The following BICD1 variants were observed in gnomAD, a reference collection of about 807,000 sequenced individuals.
BICD1 encodes protein bicaudal D homolog 1.
A neutral mutation model predicts 92.5 loss-of-function variants in BICD1; 35 were observed. That is an observed-to-expected ratio of 0.38 (90% confidence interval 0.29 to 0.50). The LOEUF is 0.50. Among genes scored for constraint, BICD1 ranks in the 20% least tolerant of loss-of-function variants. The probability of loss-of-function intolerance (pLI) is 0.93; values close to 1 mark genes in which losing one functional copy is unlikely to be tolerated. For missense variants in BICD1, 950 were observed against 1,189.8 expected (o/e 0.80, Z 2.97); for synonymous variants, 429 against 465.1 (o/e 0.92, Z 1.00).
chr12:32,328,329 T>C lies in BICD1; in HGVS notation c.1874T>C (p.Ile625Thr). The C allele has an allele frequency of 6.2e-7, 1 of 1,614,172 alleles. No individual in the cohort carries two copies. The highest frequency in any genetic ancestry group is 8.5e-7 in the Non-Finnish European group (1 of 1,180,034). ...TSDIRKEPMN[I>T]YNLNAIIRDQ... is the part of the protein sequence containing the mutation. ...GACATCCGCAAAGAGCCAATGAATA[T>C]CTACAACCTTAATGCCATAATCCGG... is the stretch of plus-strand genomic sequence containing the variant. Residue 625 changes from isoleucine to threonine, a missense_variant, in exon 5 of 10, where the codon ATC becomes ACC. By Grantham distance (89) the Ile-to-Thr change is moderately conservative (BLOSUM62 -1). Coordinates refer to ENST00000652176, the MANE Select transcript of BICD1 (RefSeq NM_001714.4). This position sits in a 1 kb window ranked among gnomAD's most constrained non-coding sequence, Gnocchi z 4.4.
At chr12:32,292,734 T>G (rs1453460025) in intron 2 of BICD1, among the ~76,000 whole-genome samples, 1 of 152,216 alleles carries the variant, frequency 6.6e-6, no homozygotes, top group Admixed American at 6.5e-5. Flanking sequence ...AAATGTGGTT[T>G]TTGGTTTCTA....
At chr12:32,361,763 G>C (rs1039738583) in intron 8 of BICD1, among the ~76,000 whole-genome samples, 5 of 152,088 alleles carry the variant, frequency 3.3e-5, no homozygotes, top group African/African-American at 1.2e-4. Flanking sequence ...GGAAAATGAG[G>C]AGGTGGAGTC....
intron 8 of BICD1, among the ~76,000 whole-genome samples, chr12:32,358,661 C>T (rs989765268): frequency 3.3e-5 from 5 of 151,864 alleles, no homozygotes; most frequent in Non-Finnish European, 7.4e-5. Flanking sequence ...CACTTGAACC[C>T]GGGAGGCGGA....
intron 2 of BICD1, among the ~76,000 whole-genome samples, chr12:32,218,375 C>G (rs975534505): frequency 1.3e-5 from 2 of 152,136 alleles, no homozygotes; most frequent in Non-Finnish European, 2.9e-5. Context: ...ACACGGGGCC[C>G]CCTCGCAGAG....
chr12:32,144,334 G>T (rs1943041073), intron 1 of BICD1, among the ~76,000 whole-genome samples: 1 of 152,056 alleles, frequency 6.6e-6, no homozygotes, highest in South Asian at 2.1e-4. Context: ...ATTCTTTCCA[G>T]GGTGAATATT....
intron 5 of BICD1, chr12:32,332,461 GC>G (rs1052255183): frequency 2.0e-6 from 2 of 982,016 alleles, no homozygotes; most frequent in Admixed American, 6.1e-5. Context: ...TAGGCACAGT[GC>G]CTTCTGATGA....
At chr12:32,248,500 G>A (rs2136099324) in intron 2 of BICD1, among the ~76,000 whole-genome samples, 1 of 152,350 alleles carries the variant, frequency 6.6e-6, no homozygotes, top group East Asian at 1.9e-4. Context: ...AGAAATTGAT[G>A]AAGGAGAGAG....
At chr12:32,359,640 G>C (rs1270955772) in intron 8 of BICD1, among the ~76,000 whole-genome samples, 1 of 152,084 alleles carries the variant, frequency 6.6e-6, no homozygotes, top group Admixed American at 6.5e-5. Flanking sequence ...TGGAGATTAA[G>C]TATCAACATG....
intron 1 of BICD1, among the ~76,000 whole-genome samples, chr12:32,167,304 A>G (rs954679985): frequency 2.6e-5 from 4 of 152,376 alleles, no homozygotes; most frequent in Non-Finnish European, 5.9e-5. Flanking sequence ...ATATTCTGAG[A>G]TAGCAAAGCA....
rs1469033267 is a variant in BICD1 at position 32,342,220 on chromosome 12, A to G, written c.2764+3241A>G. Among the ~76,000 whole-genome samples, 231 of 144,376 alleles carry G rather than the reference A, an allele frequency of 1.6e-3. 2 individuals are homozygous for G. In the East Asian group the frequency reaches 0.023, roughly 14 times the overall value. 94.7% of individuals were successfully genotyped at this position (144,376 alleles called of 152,430 possible). ...TGTGTGTGTGTATATATATATATAT[A>G]TATATATATATATGTATAGTTTTGG... On this transcript the variant is annotated intron_variant, in intron 8 of 9. Transcript: ENST00000652176.
chr12:32,374,629 G>A (rs1464164430), intron 9 of BICD1, among the ~76,000 whole-genome samples: 4 of 146,396 alleles, frequency 2.7e-5, no homozygotes, highest in African/African-American at 1.0e-4. Flanking sequence ...GTGCAATGGC[G>A]TGATCTCAGC....
intron 8 of BICD1, among the ~76,000 whole-genome samples, chr12:32,361,508 A>T (rs1939323578): frequency 6.6e-6 from 1 of 150,618 alleles, no homozygotes; most frequent in Non-Finnish European, 1.5e-5. Flanking sequence ...AGCCAAGATC[A>T]CGTCACTTCA....
chr12:32,339,768 C>T, intron 8 of BICD1: 1 of 985,348 alleles, frequency 1.0e-6, no homozygotes, highest in Non-Finnish European at 1.2e-6. Context: ...AGCTTAAAGG[C>T]AGCTGTTATT....
intron 1 of BICD1, among the ~76,000 whole-genome samples, chr12:32,114,056 A>G (rs1165972534): frequency 6.6e-6 from 1 of 151,962 alleles, no homozygotes; most frequent in Non-Finnish European, 1.5e-5. Flanking sequence ...TTTTTTTAGT[A>G]GAGACAGGGT....
intron 1 of BICD1, among the ~76,000 whole-genome samples, chr12:32,137,231 G>C (rs1235646716): frequency 6.6e-6 from 1 of 152,118 alleles, no homozygotes; most frequent in Non-Finnish European, 1.5e-5. Flanking sequence ...TGGGATTACA[G>C]GCATGCGCCA....
At chr12:32,170,690 T>C (rs1260921516) in intron 1 of BICD1, among the ~76,000 whole-genome samples, 1 of 152,134 alleles carries the variant, frequency 6.6e-6, no homozygotes, top group Non-Finnish European at 1.5e-5. Flanking sequence ...TGAGGAGAGA[T>C]TAGTGGAGCA....
intron 2 of BICD1, among the ~76,000 whole-genome samples, chr12:32,230,584 A>T (rs1391054785): frequency 1.3e-5 from 2 of 152,136 alleles, no homozygotes; most frequent in Non-Finnish European, 2.9e-5. Context: ...GGTGTTTGCT[A>T]CATAACAGTA....
At chr12:32,194,822 C>T (rs1311352109) in intron 1 of BICD1, among the ~76,000 whole-genome samples, 5 of 152,000 alleles carry the variant, frequency 3.3e-5, no homozygotes, top group Admixed American at 1.3e-4. Flanking sequence ...GTGGACGTTG[C>T]GGTGAGCCGA....
At chr12:32,367,808 C>T in intron 9 of BICD1, 63 bp downstream of exon 9, 1 of 1,441,800 alleles carries the variant, frequency 6.9e-7, no homozygotes, top group Non-Finnish European at 9.7e-7. Context: ...CCCCAGCTCC[C>T]CTTTCCGACA....
Sources: gnomAD v4.1 joint callset for allele counts (sites outside exome capture counted in the v4.1 genomes callset) on GRCh38, gnomAD v4.1.1 for gene constraint, Gnocchi (gnomAD v3.1) non-coding constraint, MANE v1.5 for transcripts, NCBI Gene and HGNC (gene_info 2026-07-23, HGNC 2026-07-21) for gene names.